Variants in NEK7 observed in about 807,000 individuals in gnomAD.
The protein encoded by NEK7 is NIMA related kinase 7, also known as serine/threonine-protein kinase Nek7.
A neutral mutation model predicts 44.6 loss-of-function variants in NEK7; 18 were observed. The ratio of observed to expected loss-of-function variants is 0.40; its 90% CI spans 0.28 to 0.60. The LOEUF (loss-of-function observed/expected upper bound fraction) is 0.60. Among genes scored for constraint, NEK7 ranks in the 20% least tolerant of loss-of-function variants. NEK7 has a pLI of 0.38. For missense variants in NEK7, 256 were observed against 366.5 expected, an observed-to-expected ratio of 0.70 and a Z score of 2.46; for synonymous variants, 130 against 121.1, an observed-to-expected ratio of 1.07 and a Z score of -0.48.
intron 2 of NEK7, among the ~76,000 whole-genome samples, chr1:198,250,572 G>A (rs374257764): frequency 7.2e-6 from 1 of 138,408 alleles, no homozygotes; most frequent in Non-Finnish European, 1.6e-5. Context: ...GTGGTTTGTA[G>A]TTCTCCTTGA....
intron 1 of NEK7, among the ~76,000 whole-genome samples, chr1:198,231,289 GTA>G (rs1244203573): frequency 3.4e-4 from 26 of 76,484 alleles, no homozygotes; most frequent in African/African-American, 1.5e-3. Context: ...GTATATACGT[GTA>G]TGTGTGTGTG....
At chr1:198,266,034 G>A (rs1653642233) in intron 5 of NEK7, among the ~76,000 whole-genome samples, 1 of 151,948 alleles carries the variant, frequency 6.6e-6, no homozygotes, top group Admixed American at 6.6e-5. Context: ...ACCTTTACGT[G>A]CACAAAACCT....
At chr1:198,162,826 C>A (rs1169206873) in intron 1 of NEK7, among the ~76,000 whole-genome samples, 1 of 151,954 alleles carries the variant, frequency 6.6e-6, no homozygotes, top group African/African-American at 2.4e-5. Flanking sequence ...GTGGGGAGAG[C>A]CAGCAAGCCA....
At chr1:198,235,008 C>T (rs1407164287) in intron 2 of NEK7, among the ~76,000 whole-genome samples, 2 of 152,146 alleles carry the variant, frequency 1.3e-5, no homozygotes, top group Non-Finnish European at 2.9e-5. Flanking sequence ...TCAGCTTTGA[C>T]AACCTTTTTT....
At chr1:198,295,524 TTGAAA>T (rs1654688273) in intron 8 of NEK7, among the ~76,000 whole-genome samples, 1 of 151,882 alleles carries the variant, frequency 6.6e-6, no homozygotes, top group African/African-American at 2.4e-5. Flanking sequence ...GTGCAAAAGC[TTGAAA>T]ATAAAAACAG....
In NEK7 at chr1:198,203,022, GC is replaced by G. The variant is rs553133012; in HGVS notation, c.-28-29530del. On this transcript the variant is annotated intron_variant, in intron 1 of 9. Transcript: ENST00000367385. Reference sequence around the variant, plus strand: ...GAATTGACATATTTGAATTACAAATGCTTTTGGAGTAAAATAAAATACTATG... The same window carrying G: ...GAATTGACATATTTGAATTACAAATGTTTTGGAGTAAAATAAAATACTATG... Among the ~76,000 whole-genome samples, 1,000 of 147,946 alleles carry G rather than the reference GC, an allele frequency of 6.8e-3. 9 individuals are homozygous for G. The highest frequency in any genetic ancestry group is 0.019 in the African/African-American group (767 of 41,258).
chr1:198,207,508 A>G (rs1311889531), intron 1 of NEK7, among the ~76,000 whole-genome samples: 3 of 152,190 alleles, frequency 2.0e-5, no homozygotes, highest in African/African-American at 7.2e-5. Context: ...ACGTCCATTC[A>G]ATGGAGTAGT....
At chr1:198,270,238 G>A (rs1043191946) in intron 5 of NEK7, among the ~76,000 whole-genome samples, 2 of 151,824 alleles carry the variant, frequency 1.3e-5, no homozygotes, top group Non-Finnish European at 2.9e-5. Flanking sequence ...GAATTAATTT[G>A]TAAGTGCCTG....
chr1:198,317,704 G>T (rs1655409319), intron 9 of NEK7, among the ~76,000 whole-genome samples: 1 of 151,874 alleles, frequency 6.6e-6, no homozygotes, highest in Non-Finnish European at 1.5e-5. Context: ...TGAACTTTTT[G>T]TACCATGGTT....
intron 9 of NEK7, among the ~76,000 whole-genome samples, chr1:198,299,286 C>G (rs1205621220): frequency 6.6e-6 from 1 of 152,160 alleles, no homozygotes; most frequent in Non-Finnish European, 1.5e-5. Flanking sequence ...TAGAAGAGTT[C>G]TCAAAACAAG....
intron 2 of NEK7, among the ~76,000 whole-genome samples, chr1:198,241,878 C>T (rs1367220703): frequency 2.0e-5 from 3 of 152,196 alleles, no homozygotes; most frequent in Non-Finnish European, 1.5e-5. Flanking sequence ...ATGATGACTG[C>T]AATGACAACA....
At chr1:198,244,936 T>C (rs1666791973) in intron 2 of NEK7, among the ~76,000 whole-genome samples, 1 of 152,176 alleles carries the variant, frequency 6.6e-6, no homozygotes, top group South Asian at 2.1e-4. Context: ...TGAAAACCTG[T>C]ATATAACTTT....
chr1:198,220,209 T>C (rs1403964026), intron 1 of NEK7, among the ~76,000 whole-genome samples: 3 of 152,020 alleles, frequency 2.0e-5, no homozygotes, highest in Non-Finnish European at 4.4e-5. Context: ...ATGTGGCCGA[T>C]GGGAACCCAT....
At chr1:198,255,111 TTGGAATTGG>T (rs1421401782) in intron 3 of NEK7, among the ~76,000 whole-genome samples, 1 of 152,076 alleles carries the variant, frequency 6.6e-6, no homozygotes, top group African/African-American at 2.4e-5. Flanking sequence ...ATTTGAGCTG[TTGGAATTGG>T]TGGAATTGGA....
intron 1 of NEK7, among the ~76,000 whole-genome samples, chr1:198,223,816 T>G (rs1315191451): frequency 6.6e-6 from 1 of 152,164 alleles, no homozygotes; most frequent in Non-Finnish European, 1.5e-5. Context: ...GTGATGTTGA[T>G]TAATGTGATT....
chr1:198,312,908 A>G (rs1655236749), intron 9 of NEK7, among the ~76,000 whole-genome samples: 1 of 151,834 alleles, frequency 6.6e-6, no homozygotes, highest in Admixed American at 6.6e-5. Flanking sequence ...AAAAAAATGT[A>G]TTTTCTGTTG....
At chr1:198,306,833 C>A (rs1655037559) in intron 9 of NEK7, among the ~76,000 whole-genome samples, 1 of 152,084 alleles carries the variant, frequency 6.6e-6, no homozygotes. Flanking sequence ...ATTTTACCCC[C>A]ACTAGAGTAA....
At chr1:198,257,356 C>T (rs1464849137) in intron 3 of NEK7, among the ~76,000 whole-genome samples, 1 of 151,970 alleles carries the variant, frequency 6.6e-6, no homozygotes, top group Non-Finnish European at 1.5e-5. Flanking sequence ...TTTTTAATTT[C>T]TATTAATAAG....
chr1:198,320,176 T>C lies in NEK7; in HGVS notation c.*654T>C, dbSNP rs1655493533. ...AAGAGTTTTTTGTTTTGTTTTAATA[T>C]TTTTGATATTCTCTTTGCATTGAAA... On this transcript the variant is annotated 3_prime_UTR_variant, in exon 10 of 10. Transcript: ENST00000367385. 1 of 152,150 alleles carries C rather than the reference T, an allele frequency of 6.6e-6. No homozygotes were observed. The highest frequency in any genetic ancestry group is 1.5e-5 in the Non-Finnish European group (1 of 68,012). 9.4% of individuals were successfully genotyped at this position (152,150 alleles called of 1,614,324 possible).
Sources: allele counts gnomAD v4.1 joint callset (sites outside exome capture counted in the v4.1 genomes callset), GRCh38; gene constraint gnomAD v4.1.1; transcripts MANE v1.5; gene names NCBI Gene and HGNC (gene_info 2026-07-23, HGNC 2026-07-21).